Variants in LDAF1 observed in about 807,000 individuals in gnomAD.
LDAF1 encodes PROMETHIN.
LDAF1 carries 7 observed loss-of-function variants against 13.5 expected under a neutral mutation model. The ratio of observed to expected loss-of-function variants is 0.52; its 90% CI spans 0.29 to 0.97. LDAF1 has a LOEUF of 0.97. Among genes scored for constraint, LDAF1 ranks in the 50% least tolerant of loss-of-function variants. The pLI is 0.07. For synonymous variants in LDAF1, 69 were observed against 77.1 expected (o/e 0.89, Z 0.55); for missense variants, 148 against 193.2 (o/e 0.77, Z 1.39).
At chr16:21,168,258 G>T (rs1446527845) in intron 2 of LDAF1, among the ~76,000 whole-genome samples, 1 of 151,282 alleles carries the variant, frequency 6.6e-6, no homozygotes, top group Non-Finnish European at 1.5e-5. Context: ...CAGGTGACCC[G>T]CCTGCCTCCA....
chr16:21,159,524 GC>G, intron 1 of LDAF1: 2 of 1,284,552 alleles, frequency 1.6e-6, no homozygotes, highest in Non-Finnish European at 1.1e-6. Context: ...GGGTGGGAGG[GC>G]CAGGAGATTT....
chr16:21,165,471 C>A (rs2093014873), intron 2 of LDAF1: 1 of 476,420 alleles, frequency 2.1e-6, no homozygotes, highest in Non-Finnish European at 2.7e-6. Context: ...AACAGTCTTG[C>A]CTGTTTCCTT....
intron 3 of LDAF1, chr16:21,173,473 G>A (rs2093108827): frequency 6.6e-6 from 1 of 152,426 alleles, no homozygotes; most frequent in Non-Finnish European, 1.5e-5. Context: ...CAGCACCTTG[G>A]GAGGCCAAGG....
intron 4 of LDAF1, chr16:21,178,445 G>GTAGATACTAGTT (rs2093158108): frequency 2.1e-6 from 2 of 949,266 alleles, no homozygotes; most frequent in African/African-American, 3.5e-5. Flanking sequence ...AAAAACCAAA[G>GTAGATACTAGTT]TAGATACTAG....
intron 2 of LDAF1, chr16:21,165,705 C>A: frequency 1.3e-6 from 1 of 752,224 alleles, no homozygotes; most frequent in Non-Finnish European, 1.6e-6. Flanking sequence ...TGTCATAGTT[C>A]TGCTCAAATG....
chr16:21,172,387 A>C (rs1004027208), intron 3 of LDAF1, among the ~76,000 whole-genome samples: 19 of 152,124 alleles, frequency 1.2e-4, no homozygotes, highest in Admixed American at 9.2e-4. Flanking sequence ...TGGAGGTTGC[A>C]GTGAGCCAAG....
At chr16:21,159,519 G>A in intron 1 of LDAF1, 1 of 1,299,770 alleles carries the variant, frequency 7.7e-7, no homozygotes, top group Non-Finnish European at 1.1e-6. Flanking sequence ...TTCGGGGGTG[G>A]GAGGGCCAGG....
rs1447994110 is a variant in LDAF1 at position 21,174,103 on chromosome 16, C to T, written c.359C>T (p.Ser120Phe). The T allele has an allele frequency of 6.2e-7, 1 of 1,614,074 alleles. No homozygotes were observed. The highest frequency in any genetic ancestry group is 1.7e-5 in the Admixed American group (1 of 60,000). The part of the protein sequence containing the change: ...SLAMSGMMIA[S>F]YVVVSSLISC... ...GCCATGTCGGGGATGATGATAGCAT[C>T]TTATGTAGTGGTCTCCAGCCTCATC... The change falls in exon 4 of 5, where the codon TCT becomes TTT. Residue 120 changes from serine (S) to phenylalanine (F), a missense_variant. Transcript: ENST00000233047.
intron 1 of LDAF1, 148 bp from the exon 2 acceptor site, chr16:21,160,937 T>G: frequency 2.2e-6 from 2 of 929,606 alleles, no homozygotes; most frequent in South Asian, 3.0e-5. Context: ...AATTCCTGGA[T>G]TGAAGTGTGT....
At chr16:21,168,959 TATA>T (rs569676771) in intron 2 of LDAF1, among the ~76,000 whole-genome samples, 2,893 of 115,104 alleles carry the variant, frequency 0.025, 61 homozygotes, top group South Asian at 0.044. Context: ...GTATATATAA[TATA>T]ATATATTATA....
chr16:21,169,882 A>T (rs1331622373), intron 2 of LDAF1, among the ~76,000 whole-genome samples: 1 of 149,040 alleles, frequency 6.7e-6, no homozygotes, highest in Non-Finnish European at 1.5e-5. Flanking sequence ...TGCCTGGGTG[A>T]CTCATGTCTT....
chr16:21,173,945 C>A, intron 3 of LDAF1, 65 bp from the exon 4 acceptor site: 8 of 1,516,222 alleles, frequency 5.3e-6, no homozygotes, highest in South Asian at 1.3e-5. Context: ...ACAGACTGAC[C>A]CAGGGTCTGC....
chr16:21,168,556 TTA>T (rs1286716072), intron 2 of LDAF1, among the ~76,000 whole-genome samples: 6 of 145,056 alleles, frequency 4.1e-5, no homozygotes, highest in Non-Finnish European at 3.0e-5. Context: ...CATATTATAA[TTA>T]TATACATATA....
At chr16:21,173,969 G>GGGCAGC in intron 3 of LDAF1, 41 bp from the exon 4 acceptor site, 1 of 1,593,154 alleles carries the variant, frequency 6.3e-7, no homozygotes, top group East Asian at 2.3e-5. Flanking sequence ...TTTTCAACCT[G>GGGCAGC]TTTGAGATGA....
At position 21,170,449 on chromosome 16, in the gene LDAF1, A is replaced by G. The variant is rs1341157403; in HGVS notation, c.109A>G (p.Met37Val). Residue 37 changes from methionine to valine, a missense_variant, in exon 3 of 5, where the codon ATG (methionine) becomes GTG (valine). Transcript: ENST00000233047. ...CCTTTGCCTACAGGTGGTGGCCTTT[A>G]TGAAGTCTCCAGTGGGTCAGTACTT... ...FQNNSKVVAF[M>V]KSPVGQYLDS... 3 of 1,614,004 alleles carry G rather than the reference A, an allele frequency of 1.9e-6. No homozygotes were observed.
intron 1 of LDAF1, 84 bp downstream of exon 1, chr16:21,158,830 G>T: frequency 6.2e-6 from 1 of 161,894 alleles, no homozygotes; most frequent in Non-Finnish European, 1.4e-5. Context: ...GAGGAGGAGC[G>T]CGGGGGCGAC....
At chr16:21,172,118 G>A (rs1200766586) in intron 3 of LDAF1, among the ~76,000 whole-genome samples, 1 of 151,362 alleles carries the variant, frequency 6.6e-6, no homozygotes, top group African/African-American at 2.4e-5. Context: ...GACCACTCTG[G>A]GCAACATAGC....
chr16:21,173,999 TCTC>T lies in LDAF1; in HGVS notation c.266-5_266-3del, dbSNP rs777881404. On this transcript the variant is annotated splice_region_variant and splice_polypyrimidine_tract_variant and intron_variant, in intron 3 of 4. Coordinates refer to ENST00000233047, the MANE Select transcript of LDAF1 (RefSeq NM_001301771.2). ...AGATGAACCCTTCTCCTAACCACGT[TCTC>T]CTCCTAGGATTGGTCATCTCTGTGG... 16 of 1,608,484 alleles carry T rather than the reference TCTC, an allele frequency of 9.9e-6. No homozygotes were observed. The African/African-American group carries it at 1.9e-4, about 19-fold the overall frequency.
chr16:21,159,231 CT>C (rs1385897229), intron 1 of LDAF1: 1 of 1,149,574 alleles, frequency 8.7e-7, no homozygotes, highest in Non-Finnish European at 1.3e-6. Flanking sequence ...AAGGGGGCTT[CT>C]TTACCCCCAA....
Sources: allele counts gnomAD v4.1 joint callset (sites outside exome capture counted in the v4.1 genomes callset), GRCh38; gene constraint gnomAD v4.1.1; transcripts MANE v1.5; gene names NCBI Gene and HGNC (gene_info 2026-07-23, HGNC 2026-07-21).